Variants in ZNF253 observed in about 807,000 individuals in gnomAD.
ZNF253 encodes zinc finger protein 253, also known as DNA-binding protein.
A neutral mutation model predicts 11.9 loss-of-function variants in ZNF253; 8 were observed. The observed-to-expected ratio is 0.67, with a 90% CI of 0.40 to 1.22. The LOEUF is 1.22. Ranked by LOEUF, ZNF253 falls within the 50% of genes most tolerant of loss-of-function variation. ZNF253 has a pLI of 0.01. For missense variants in ZNF253, 485 were observed against 586.9 expected (o/e 0.83, Z 1.79); for synonymous variants, 194 against 194.9 (o/e 1.00, Z 0.04).
At chr19:19,876,979 A>G (rs1164240615) in intron 1 of ZNF253, among the ~76,000 whole-genome samples, 5 of 152,160 alleles carry the variant, frequency 3.3e-5, no homozygotes, top group African/African-American at 9.7e-5. Context: ...ATAATCTGCA[A>G]TATTAAAAAT....
intron 1 of ZNF253, among the ~76,000 whole-genome samples, chr19:19,872,585 A>ATATATATATATATATATATTAT (rs58003826): frequency 6.6e-5 from 6 of 90,452 alleles, no homozygotes; most frequent in African/African-American, 3.1e-4. Flanking sequence ...ATATATTATT[A>ATATATATATATATATATATTAT]TATATATATA....
Position 19,885,353 on chromosome 19 carries a change from TCTTC to T in ZNF253, c.226+5211_226+5214del, listed in dbSNP as rs1327203016. Among the ~76,000 whole-genome samples the T allele has an allele frequency of 6.9e-3, 462 of 66,804 alleles. 56 individuals carry two copies. The highest frequency in any genetic ancestry group is 0.064 in the African/African-American group (357 of 5,570). The allele number at this position is 66,804 out of a possible 152,430, so 43.8% of individuals were successfully genotyped here. The stretch of plus-strand genomic sequence containing the variant: ...TTCTTTCTTTCTTTCTTTCTTTCTT[TCTTC>T]CTTTCTTTTCTTTCTTTTCTTTCTT... On this transcript the variant is annotated intron_variant, in intron 3 of 3. Coordinates refer to ENST00000589717, the MANE Select transcript of ZNF253 (RefSeq NM_021047.3).
intron 1 of ZNF253, among the ~76,000 whole-genome samples, chr19:19,871,741 T>C (rs1455787942): frequency 4.6e-5 from 7 of 152,214 alleles, no homozygotes; most frequent in Admixed American, 4.6e-4. Context: ...TTGGAGCCTC[T>C]TAAGCAGATT....
intron 3 of ZNF253, among the ~76,000 whole-genome samples, chr19:19,882,832 A>G (rs1245996596): frequency 6.6e-6 from 1 of 151,620 alleles, no homozygotes; most frequent in East Asian, 1.9e-4. Flanking sequence ...TTAGCTGGGC[A>G]TGGTGGCGGG....
At chr19:19,890,832 ATTTTTTTTTTTTTT>A (rs770757608) in intron 3 of ZNF253, among the ~76,000 whole-genome samples, 6 of 76,850 alleles carry the variant, frequency 7.8e-5, no homozygotes, top group African/African-American at 1.3e-4. Flanking sequence ...CAACAATTTA[ATTTTTTTTTTTTTT>A]TTTTTTTTTT....
chr19:19,888,911 T>C (rs1304526199), intron 3 of ZNF253, among the ~76,000 whole-genome samples: 2 of 152,212 alleles, frequency 1.3e-5, no homozygotes, highest in Non-Finnish European at 2.9e-5. Flanking sequence ...CAATATACTT[T>C]CTTAGGATTT....
At chr19:19,869,438 CAG>C in intron 1 of ZNF253, among the ~76,000 whole-genome samples, 1 of 151,696 alleles carries the variant, frequency 6.6e-6, no homozygotes, top group African/African-American at 2.4e-5. Flanking sequence ...GATCTCGGCT[CAG>C]GCAAACTCTG....
chr19:19,871,940 CT>C (rs1171198033), intron 1 of ZNF253, among the ~76,000 whole-genome samples: 1 of 152,110 alleles, frequency 6.6e-6, no homozygotes, highest in Non-Finnish European at 1.5e-5. Flanking sequence ...CTAGAGGGGA[CT>C]TTCCCTCTCT....
At position 19,891,733 on chromosome 19, in the gene ZNF253, T is replaced by C. The variant is rs996442443; in HGVS notation, c.486T>C (p.Tyr162=). 1.2e-6 allele frequency: 2 copies of C among 1,614,102 alleles called. No individual in the cohort carries two copies. The highest frequency in any genetic ancestry group is 1.7e-6 in the Non-Finnish European group (2 of 1,180,002). Residue 162 remains tyrosine (Y), a synonymous_variant, in exon 4 of 4, where the codon TAT becomes TAC. Coordinates refer to ENST00000589717, the MANE Select transcript of ZNF253 (RefSeq NM_021047.3). ...VFHKFSNSNT[Y]KTRHTGINLF... ...ATAAGTTTTCAAATTCAAACACATA[T>C]AAGACAAGACATACTGGAATAAATC...
At chr19:19,882,137 C>T (rs2063180489) in intron 3 of ZNF253, among the ~76,000 whole-genome samples, 1 of 151,208 alleles carries the variant, frequency 6.6e-6, no homozygotes, top group Admixed American at 6.6e-5. Context: ...TGCAGTGAGC[C>T]AAGATCACAC....
In ZNF253 at chr19:19,891,874, T is replaced by C. The variant is rs1443616892; in HGVS notation, c.627T>C (p.Phe209=). The change falls in exon 4 of 4, where the codon TTT becomes TTC. Residue 209 remains phenylalanine (F), a synonymous_variant. Coordinates refer to ENST00000589717, the MANE Select transcript of ZNF253 (RefSeq NM_021047.3). Reference sequence around the variant, plus strand: ...GATGTGAAGAATGTGGCAAAGCTTTTAACCAATCTGCAAACCTTACTACAC... The same window carrying C: ...GATGTGAAGAATGTGGCAAAGCTTTCAACCAATCTGCAAACCTTACTACAC... The part of the protein sequence containing the change: ...PYRCEECGKA[F]NQSANLTTHK... The C allele has an allele frequency of 3.7e-6, 6 of 1,613,850 alleles. No individual in the cohort carries two copies. The African/African-American group carries it at 4.0e-5, about 11-fold the overall frequency.
intron 1 of ZNF253, among the ~76,000 whole-genome samples, chr19:19,873,667 T>A (rs1160702218): frequency 1.3e-5 from 2 of 152,096 alleles, no homozygotes; most frequent in Non-Finnish European, 2.9e-5. Context: ...CCCAAATAGA[T>A]AAAGTATTTC....
intron 1 of ZNF253, among the ~76,000 whole-genome samples, chr19:19,875,608 G>T (rs2063152060): frequency 6.6e-6 from 1 of 152,042 alleles, no homozygotes; most frequent in Non-Finnish European, 1.5e-5. Context: ...TGTTAGCCAG[G>T]ATGGTCTCGA....
intron 1 of ZNF253, among the ~76,000 whole-genome samples, chr19:19,875,089 T>C (rs940866383): frequency 1.3e-5 from 2 of 152,094 alleles, no homozygotes; most frequent in African/African-American, 4.8e-5. Flanking sequence ...TAGGTCTGCC[T>C]CTATCCTGGA....
Position 19,870,391 on chromosome 19 carries a change from CAA to C in ZNF253, c.3+4407_3+4408del, listed in dbSNP as rs1045415774. On this transcript the variant is annotated intron_variant, in intron 1 of 3. Transcript: ENST00000589717. The stretch of plus-strand genomic sequence containing the variant: ...TGGGTGACAGAATGAGATTGTGTCT[CAA>C]AAAAAAAAAAAAAAGCTACATATAT... 4.5e-3 allele frequency among the ~76,000 whole-genome samples: 346 copies of C among 76,800 alleles called. 1 individual carries two copies. The highest frequency in any genetic ancestry group is 0.015 in the African/African-American group (312 of 20,190). The allele number at this position is 76,800 out of a possible 152,430, so 50.4% of individuals were successfully genotyped here. A position where few individuals can be genotyped will look rare whatever the true frequency, so the allele number is the denominator to read the frequency against.
chr19:19,875,466 G>T (rs889521264), intron 1 of ZNF253, among the ~76,000 whole-genome samples: 3 of 150,786 alleles, frequency 2.0e-5, no homozygotes, highest in African/African-American at 7.3e-5. Context: ...GTGGATCTCG[G>T]CTCACTGCAA....
Position 19,885,292 on chromosome 19 carries a change from T to TTTC in ZNF253, c.226+5146_226+5147insTTC, listed in dbSNP as rs1479419028. Among the ~76,000 whole-genome samples, 12 of 26,560 alleles carry TTTC rather than the reference T, an allele frequency of 4.5e-4. 2 individuals are homozygous for TTTC. In the African/African-American group the frequency reaches 6.6e-3, roughly 15 times the overall value. 17.4% of individuals were successfully genotyped at this position (26,560 alleles called of 152,430 possible). A position where few individuals can be genotyped will look rare whatever the true frequency, so the allele number is the denominator to read the frequency against. ...CTTTCTTTCTTTCTTTCTTTCTTTC[T>TTTC]CTTTCTTTTCTTTCTTTCTTTCTTT... On this transcript the variant is annotated intron_variant, in intron 3 of 3. Coordinates refer to ENST00000589717, the MANE Select transcript of ZNF253 (RefSeq NM_021047.3).
intron 1 of ZNF253, among the ~76,000 whole-genome samples, chr19:19,872,583 T>TATATATATATTATTATATATATATATA (rs371297261): frequency 8.3e-6 from 1 of 120,764 alleles, no homozygotes; most frequent in African/African-American, 4.1e-5. Flanking sequence ...ATATATATTA[T>TATATATATATTATTATATATATATATA]TATATATATA....
rs746652482 is a variant in ZNF253, at chr19:19,891,772, A to G, written c.525A>G (p.Ile175Met). Residue 175 changes from isoleucine to methionine, a missense_variant, in exon 4 of 4, where the codon ATA becomes ATG. Physicochemically the swap from Ile to Met is conservative, Grantham distance 10. This residue lies in a region of ZNF253 where 218 missense variants were observed against 213.1 expected (regional missense o/e 1.02). Coordinates refer to ENST00000589717, the MANE Select transcript of ZNF253 (RefSeq NM_021047.3). ...CTGGAATAAATCTTTTCAAATGTAT[A>G]ATATGTGGCAAAGCTTTTAAACGGT... The part of the protein sequence containing the change: ...RHTGINLFKC[I>M]ICGKAFKRSS... The G allele has an allele frequency of 1.2e-6, 2 of 1,614,128 alleles. No individual in the cohort carries two copies. The highest frequency in any genetic ancestry group is 2.7e-5 in the African/African-American group (2 of 75,056).
Sources: allele counts gnomAD v4.1 joint callset (sites outside exome capture counted in the v4.1 genomes callset), GRCh38; gene constraint gnomAD v4.1.1; regional missense constraint gnomAD v4.1.1; transcripts MANE v1.5; gene names NCBI Gene and HGNC (gene_info 2026-07-23, HGNC 2026-07-21).